The following RAB38 variants were observed in gnomAD, a reference collection of about 807,000 sequenced individuals.
RAB38 encodes RAB38, member RAS oncogene family, also known as ras-related protein Rab-38.
Under a neutral mutation model 18.4 loss-of-function variants are expected in RAB38, and 15 were observed. The ratio of observed to expected loss-of-function variants is 0.82; its 90% CI spans 0.55 to 1.26. The LOEUF (loss-of-function observed/expected upper bound fraction) is 1.26. RAB38 is among the 50% of genes most tolerant of loss of function. RAB38 has a pLI of 0.00. For synonymous variants in RAB38, 101 were observed against 104.4 expected (o/e 0.97, Z 0.20); for missense variants, 294 against 267.4 (o/e 1.10, Z -0.69).
chr11:88,120,065 T>C (rs1368201127), intron 2 of RAB38, among the ~76,000 whole-genome samples: 1 of 152,210 alleles, frequency 6.6e-6, no homozygotes, highest in Admixed American at 6.5e-5. Flanking sequence ...TTGTCCCTCA[T>C]ATCAACCTCC....
At chr11:88,162,971 C>T (rs534952782) in intron 1 of RAB38, among the ~76,000 whole-genome samples, 1 of 152,226 alleles carries the variant, frequency 6.6e-6, no homozygotes, top group South Asian at 2.1e-4. Flanking sequence ...AGGTTGTACC[C>T]AAGCTCCACC....
the RAB38 span, among the ~76,000 whole-genome samples, chr11:87,876,233 T>G: frequency 1.3e-5 from 2 of 151,618 alleles, no homozygotes; most frequent in Non-Finnish European, 3.0e-5. Context: ...TCTGATCAAC[T>G]ACGACATTCA....
At chr11:87,974,600 T>C in the RAB38 span, among the ~76,000 whole-genome samples, 1 of 151,586 alleles carries the variant, frequency 6.6e-6, no homozygotes, top group African/African-American at 2.4e-5. Flanking sequence ...CCCTCAAATA[T>C]AGCAAAAATT....
the RAB38 span, among the ~76,000 whole-genome samples, chr11:87,810,798 T>C: frequency 1.4e-5 from 1 of 69,466 alleles, no homozygotes; most frequent in African/African-American, 5.5e-5. Flanking sequence ...GCACAATGAA[T>C]AGAAGGAAAA....
At chr11:88,089,008 A>T in the RAB38 span, among the ~76,000 whole-genome samples, 1 of 151,998 alleles carries the variant, frequency 6.6e-6, no homozygotes, top group African/African-American at 2.4e-5. Flanking sequence ...AGAAAAATAG[A>T]TGAAAGCAGC....
At chr11:88,116,895 G>A (rs112033370) in intron 2 of RAB38, among the ~76,000 whole-genome samples, 16 of 152,246 alleles carry the variant, frequency 1.1e-4, no homozygotes, top group African/African-American at 3.4e-4. Flanking sequence ...TACTAATGAG[G>A]AGAATTCAAT....
the RAB38 span, among the ~76,000 whole-genome samples, chr11:87,877,803 G>GC: frequency 5.3e-5 from 8 of 151,306 alleles, no homozygotes; most frequent in African/African-American, 1.9e-4. Context: ...TCTCATTTAA[G>GC]CCTACTTTAC....
At chr11:87,918,741 G>C in the RAB38 span, among the ~76,000 whole-genome samples, 4 of 151,660 alleles carry the variant, frequency 2.6e-5, no homozygotes, top group South Asian at 8.3e-4. Context: ...CTTTTTATGA[G>C]TTAAGTTTCA....
the RAB38 span, among the ~76,000 whole-genome samples, chr11:88,048,924 G>C: frequency 2.0e-5 from 3 of 152,056 alleles, no homozygotes; most frequent in Non-Finnish European, 2.9e-5. Context: ...TTTAATACCT[G>C]TTTTTCTCCT....
chr11:88,077,008 GAA>G, the RAB38 span, among the ~76,000 whole-genome samples: 1 of 103,906 alleles, frequency 9.6e-6, no homozygotes, highest in Non-Finnish European at 2.2e-5. Flanking sequence ...GAAAAGAAAA[GAA>G]AAGAAAAGAA....
the RAB38 span, among the ~76,000 whole-genome samples, chr11:87,977,798 TTA>T: frequency 0.03 from 3,494 of 115,412 alleles, 106 homozygotes; most frequent in South Asian, 0.076. Flanking sequence ...GTTATATATA[TTA>T]TAGAGTTATA....
chr11:88,145,174 A>T (rs1376926021), intron 2 of RAB38, among the ~76,000 whole-genome samples: 1 of 150,790 alleles, frequency 6.6e-6, no homozygotes, highest in Non-Finnish European at 1.5e-5. Context: ...GTAGGGATGG[A>T]GTTTTGCTCA....
At chr11:87,915,475 G>A in the RAB38 span, among the ~76,000 whole-genome samples, 4 of 152,040 alleles carry the variant, frequency 2.6e-5, no homozygotes, top group Non-Finnish European at 5.9e-5. Context: ...TAATCCATTA[G>A]CATGCTAAAA....
At chr11:87,819,702 G>GTGTA in the RAB38 span, among the ~76,000 whole-genome samples, 2 of 3,354 alleles carry the variant, frequency 6.0e-4, no homozygotes, top group African/African-American at 1.2e-3. Context: ...GTGTGTGTGT[G>GTGTA]TATATATATA....
the RAB38 span, among the ~76,000 whole-genome samples, chr11:87,824,820 GAA>G: frequency 6.6e-6 from 1 of 152,036 alleles, no homozygotes; most frequent in Non-Finnish European, 1.5e-5. Context: ...TGAGGACTGT[GAA>G]AAAAGAAAGT....
At chr11:87,893,390 A>ATATATATATATATATTT in the RAB38 span, among the ~76,000 whole-genome samples, 1,064 of 93,874 alleles carry the variant, frequency 0.011, 24 homozygotes, top group African/African-American at 0.035. Context: ...ATATATATAT[A>ATATATATATATATATTT]TTTTTTTTTT....
the RAB38 span, among the ~76,000 whole-genome samples, chr11:88,066,364 C>T: frequency 6.6e-6 from 1 of 152,080 alleles, no homozygotes; most frequent in Non-Finnish European, 1.5e-5. Context: ...ATCACCCTAG[C>T]TAAACATTTT....
chr11:88,074,714 C>G, the RAB38 span, among the ~76,000 whole-genome samples: 854 of 152,110 alleles, frequency 5.6e-3, 7 homozygotes, highest in Non-Finnish European at 8.5e-3. Flanking sequence ...ATCAATAATA[C>G]CAGTGAATCT....
At chr11:87,827,822 A>G in the RAB38 span, among the ~76,000 whole-genome samples, 1 of 152,156 alleles carries the variant, frequency 6.6e-6, no homozygotes, top group Non-Finnish European at 1.5e-5. Context: ...AAGCTGCTCT[A>G]AACTGTACCT....
Sources: allele counts gnomAD v4.1 joint callset (sites outside exome capture counted in the v4.1 genomes callset), GRCh38; gene constraint gnomAD v4.1.1; transcripts MANE v1.5; gene names NCBI Gene and HGNC (gene_info 2026-07-23, HGNC 2026-07-21).